PAPOLG: variants seen among roughly 807,000 people sequenced by gnomAD.
PAPOLG encodes PAP-gamma.
A neutral mutation model predicts 99.0 loss-of-function variants in PAPOLG; 40 were observed. The ratio of observed to expected loss-of-function variants is 0.40; its 90% CI spans 0.31 to 0.53. PAPOLG has a LOEUF of 0.53. Ranked by LOEUF, PAPOLG falls within the 20% of genes least tolerant of loss-of-function variation. The pLI, the probability that PAPOLG is intolerant of heterozygous loss-of-function variation, is 0.41. For synonymous variants in PAPOLG, 310 were observed against 299.3 expected (o/e 1.04, Z -0.37); for missense variants, 675 against 884.1 (o/e 0.76, Z 3.00).
chr2:60,789,408 T>G (rs1671464637), intron 15 of PAPOLG, among the ~76,000 whole-genome samples: 1 of 152,046 alleles, frequency 6.6e-6, no homozygotes, highest in Non-Finnish European at 1.5e-5. Context: ...GTTTTTTGTT[T>G]GTTTTAAATA....
At chr2:60,777,942 A>T (rs1671071596) in intron 8 of PAPOLG, among the ~76,000 whole-genome samples, 1 of 152,202 alleles carries the variant, frequency 6.6e-6, no homozygotes, top group Non-Finnish European at 1.5e-5. Flanking sequence ...TAACAGATAT[A>T]ATAATAATGA....
intron 6 of PAPOLG, 70 bp from the exon 7 acceptor site, chr2:60,771,449 G>T: frequency 6.8e-7 from 1 of 1,471,106 alleles, no homozygotes; most frequent in Non-Finnish European, 9.0e-7. Context: ...ACATTTTTTG[G>T]TGGGATGGGA....
Position 60,798,520 on chromosome 2 carries a change from T to G in PAPOLG, c.*1360T>G, listed in dbSNP as rs1671778788. On this transcript the variant is annotated 3_prime_UTR_variant, in exon 22 of 22. Coordinates refer to ENST00000238714, the MANE Select transcript of PAPOLG (RefSeq NM_022894.4). ...TAAATATGGATTATGCTTGAATTAC[T>G]ATATTTAAAATGAAAATGTATAGAT... is the stretch of plus-strand genomic sequence containing the variant. The G allele has an allele frequency of 6.5e-6, 1 of 152,752 alleles. No individual in the cohort carries two copies. Among genetic ancestry groups the G allele is most frequent in the Non-Finnish European group, 1.5e-5 (1 of 68,048 alleles). The allele number at this position is 152,752 out of a possible 1,614,324, so 9.5% of individuals were successfully genotyped here.
Position 60,783,072 on chromosome 2 carries a change from G to A in PAPOLG, c.1113-84G>A. 4 of 1,240,250 alleles carry A rather than the reference G, an allele frequency of 3.2e-6. No homozygotes were observed. The South Asian group carries it at 5.2e-5, about 16-fold the overall frequency. The allele number at this position is 1,240,250 out of a possible 1,614,324, so 76.8% of individuals were successfully genotyped here. On this transcript the variant is annotated intron_variant, in intron 12 of 21. Coordinates refer to ENST00000238714, the MANE Select transcript of PAPOLG (RefSeq NM_022894.4). ...TATTAGCTCATTTGTTCAGTGAGAG[G>A]GAGGGAAAAAAGGGGATGATTAAAA...
intron 5 of PAPOLG, 85 bp downstream of exon 5, chr2:60,768,975 C>A (rs1299146739): frequency 2.0e-6 from 2 of 1,009,478 alleles, no homozygotes; most frequent in South Asian, 1.8e-5. Flanking sequence ...TATTGAAATA[C>A]CTTCTAAGTT....
At chr2:60,764,175 G>A (rs1352193479) in intron 3 of PAPOLG, among the ~76,000 whole-genome samples, 3 of 152,186 alleles carry the variant, frequency 2.0e-5, no homozygotes, top group Non-Finnish European at 4.4e-5. Context: ...ACCAGAATGA[G>A]GGAGAGAATG....
intron 8 of PAPOLG, among the ~76,000 whole-genome samples, chr2:60,779,006 G>A (rs971530565): frequency 4.6e-5 from 7 of 151,860 alleles, no homozygotes; most frequent in African/African-American, 1.7e-4. Flanking sequence ...AGGATCAGTT[G>A]AGCCCAGGAG....
chr2:60,773,044 C>A (rs1670903991), intron 7 of PAPOLG, among the ~76,000 whole-genome samples: 1 of 152,136 alleles, frequency 6.6e-6, no homozygotes, highest in Non-Finnish European at 1.5e-5. Context: ...CCTGCCTCAG[C>A]CTCCTGAGTA....
chr2:60,771,735 T>C (rs1409082186), intron 7 of PAPOLG, 105 bp downstream of exon 7: 2 of 1,258,616 alleles, frequency 1.6e-6, no homozygotes, highest in Non-Finnish European at 1.1e-6. Flanking sequence ...GGACTCAGTT[T>C]AAAATGTAAT....
intron 8 of PAPOLG, among the ~76,000 whole-genome samples, chr2:60,776,654 C>T (rs1671030124): frequency 6.6e-6 from 1 of 151,994 alleles, no homozygotes; most frequent in African/African-American, 2.4e-5. Context: ...TCTTGAAGTC[C>T]TGACCTCAGG....
At chr2:60,759,379 GAAAA>G (rs1194684477) in intron 1 of PAPOLG, among the ~76,000 whole-genome samples, 14 of 147,560 alleles carry the variant, frequency 9.5e-5, no homozygotes, top group Non-Finnish European at 2.0e-4. Context: ...AAAAAAAAAA[GAAAA>G]AAAAGTCTCA....
intron 7 of PAPOLG, 96 bp from the exon 8 acceptor site, chr2:60,774,938 A>C: frequency 6.5e-7 from 1 of 1,536,856 alleles, no homozygotes; most frequent in Non-Finnish European, 8.7e-7. Context: ...ATTATCTTTC[A>C]TATTTTTAGC....
intron 19 of PAPOLG, chr2:60,794,415 C>T (rs939725168): frequency 1.0e-5 from 6 of 594,186 alleles, no homozygotes; most frequent in Non-Finnish European, 2.9e-6. Flanking sequence ...TTACAGAAGT[C>T]ATTACTGATA....
intron 8 of PAPOLG, among the ~76,000 whole-genome samples, chr2:60,776,626 C>G (rs1671029400): frequency 6.6e-6 from 1 of 151,950 alleles, no homozygotes; most frequent in Admixed American, 6.6e-5. Context: ...TAGGGTTTTA[C>G]CATGTTGGCC....
At chr2:60,792,364 C>A in intron 17 of PAPOLG, 75 bp downstream of exon 17, 1 of 1,294,118 alleles carries the variant, frequency 7.7e-7, no homozygotes, top group Non-Finnish European at 1.1e-6. Context: ...CTTTTCTATA[C>A]CTCTGCTACT....
rs2103801148 is a variant in PAPOLG, at chr2:60,781,962, G to A, written c.984G>A (p.Val328=). 6.2e-7 allele frequency: 1 copy of A among 1,613,890 alleles called. No individual in the cohort carries two copies. Among genetic ancestry groups the A allele is most frequent in the African/African-American group, 1.3e-5 (1 of 75,018 alleles). Residue 328 remains valine (V), a synonymous_variant, in exon 11 of 22, where the codon GTG becomes GTA. Coordinates refer to ENST00000238714, the MANE Select transcript of PAPOLG (RefSeq NM_022894.4). ...CACAACAGAATTCTACGTATAATGT[G>A]TCCACATCAACTCGAACAGTAATGG... The part of the protein sequence containing the change: ...AYPQQNSTYN[V]STSTRTVMVE...
At position 60,800,800 on chromosome 2, in the gene PAPOLG, G is replaced by A. The variant is rs1371885633; in HGVS notation, c.*3640G>A. ...AAGTGGCAAAAGTATGGGAGTTAGGGTTAGGAACCACCAGGATTGAATAAT... is the reference window on the plus strand; with the variant it reads ...AAGTGGCAAAAGTATGGGAGTTAGGATTAGGAACCACCAGGATTGAATAAT... On this transcript the variant is annotated 3_prime_UTR_variant, in exon 22 of 22. Transcript: ENST00000238714. 1 of 152,198 alleles carries A rather than the reference G, an allele frequency of 6.6e-6. No individual in the cohort carries two copies. Among genetic ancestry groups the A allele is most frequent in the African/African-American group, 2.4e-5 (1 of 41,440 alleles). The allele number at this position is 152,198 out of a possible 1,614,324, so 9.4% of individuals were successfully genotyped here. A position where few individuals can be genotyped will look rare whatever the true frequency, so the allele number is the denominator to read the frequency against.
At chr2:60,775,724 C>T (rs1172212537) in intron 8 of PAPOLG, among the ~76,000 whole-genome samples, 1 of 151,878 alleles carries the variant, frequency 6.6e-6, no homozygotes, top group East Asian at 1.9e-4. Context: ...TTTTGTTTCC[C>T]AGTGCATATA....
chr2:60,789,173 G>A (rs1359537796), intron 15 of PAPOLG, among the ~76,000 whole-genome samples: 1 of 151,132 alleles, frequency 6.6e-6, no homozygotes, highest in Non-Finnish European at 1.5e-5. Flanking sequence ...TCTGGGGACT[G>A]TTGTGGGGTG....
Sources: allele counts gnomAD v4.1 joint callset (sites outside exome capture counted in the v4.1 genomes callset), GRCh38; gene constraint gnomAD v4.1.1; transcripts MANE v1.5; gene names NCBI Gene and HGNC (gene_info 2026-07-23, HGNC 2026-07-21).